MMP16: variants seen among roughly 807,000 people sequenced by gnomAD.
MMP16 encodes the protein matrix metalloproteinase-16.
A neutral mutation model predicts 67.8 loss-of-function variants in MMP16; 12 were observed. The observed-to-expected ratio is 0.18, with a 90% confidence interval of 0.11 to 0.29. MMP16 has a LOEUF of 0.29. MMP16 is among the 10% of genes least tolerant of loss of function. MMP16 has a pLI of 1.00. For synonymous variants in MMP16, 249 were observed against 255.9 expected (o/e 0.97, Z 0.26); for missense variants, 475 against 765.7 (o/e 0.62, Z 4.48).
At chr8:88,100,475 C>T (rs920763385) in intron 6 of MMP16, among the ~76,000 whole-genome samples, 1 of 151,950 alleles carries the variant, frequency 6.6e-6, no homozygotes, top group Admixed American at 6.6e-5. Flanking sequence ...AGTCAGGAAA[C>T]AACAGGTGCT....
intron 6 of MMP16, among the ~76,000 whole-genome samples, chr8:88,098,253 T>C (rs1809063791): frequency 6.6e-6 from 1 of 152,046 alleles, no homozygotes; most frequent in Non-Finnish European, 1.5e-5. Flanking sequence ...CAATGTTTGA[T>C]GACATCCATG....
At chr8:88,285,715 T>C (rs1235645989) in intron 1 of MMP16, among the ~76,000 whole-genome samples, 1 of 152,218 alleles carries the variant, frequency 6.6e-6, no homozygotes, top group East Asian at 1.9e-4. Flanking sequence ...TTTTCCTTTT[T>C]AAAAATTAAT....
At chr8:88,207,518 CCATA>C (rs1222958135) in intron 1 of MMP16, among the ~76,000 whole-genome samples, 1 of 151,964 alleles carries the variant, frequency 6.6e-6, no homozygotes, top group Non-Finnish European at 1.5e-5. Context: ...ACCATGGAAC[CCATA>C]CAAAGTGCTG....
At chr8:88,165,922 C>T (rs1808703880) in intron 4 of MMP16, among the ~76,000 whole-genome samples, 1 of 152,078 alleles carries the variant, frequency 6.6e-6, no homozygotes, top group Non-Finnish European at 1.5e-5. Flanking sequence ...CAAACCTGTT[C>T]TTAAAAATGT....
chr8:88,209,399 T>G (rs1414379115), intron 1 of MMP16, among the ~76,000 whole-genome samples: 1 of 152,176 alleles, frequency 6.6e-6, no homozygotes, highest in Non-Finnish European at 1.5e-5. Flanking sequence ...TTCCTTTTGC[T>G]TACTTATTGT....
chr8:88,267,442 T>G (rs768836538), intron 1 of MMP16, among the ~76,000 whole-genome samples: 10 of 152,206 alleles, frequency 6.6e-5, no homozygotes, highest in Non-Finnish European at 1.3e-4. Context: ...CCTGCTAATA[T>G]AACACTTGCA....
At chr8:88,117,151 A>T (rs960109926) in intron 5 of MMP16, among the ~76,000 whole-genome samples, 1 of 152,184 alleles carries the variant, frequency 6.6e-6, no homozygotes, top group African/African-American at 2.4e-5. Context: ...TTTCCAAAAG[A>T]TAAACGTTAA....
rs185679635 is a variant in MMP16, at chr8:88,279,769, G to A, written c.132+47306C>T. Among the ~76,000 whole-genome samples the A allele has an allele frequency of 2.4e-3, 360 of 152,196 alleles. 2 individuals are homozygous for A. The Middle Eastern group carries it at 0.027, about 12-fold the overall frequency. Reference sequence around the variant, plus strand: ...TGCTTAGTATTAGAGGACATTCAACGACTCTCCATATTTCTTCTCAAGGTA... The same window carrying A: ...TGCTTAGTATTAGAGGACATTCAACAACTCTCCATATTTCTTCTCAAGGTA... On this transcript the variant is annotated intron_variant, in intron 1 of 9. Coordinates refer to ENST00000286614, the MANE Select transcript of MMP16 (RefSeq NM_005941.5).
At chr8:88,221,824 A>G (rs557752686) in intron 1 of MMP16, among the ~76,000 whole-genome samples, 2 of 152,226 alleles carry the variant, frequency 1.3e-5, no homozygotes, top group South Asian at 4.1e-4. Flanking sequence ...TTTACTTTTG[A>G]CATTCTCACC....
intron 1 of MMP16, among the ~76,000 whole-genome samples, chr8:88,280,152 G>A (rs1301896828): frequency 3.9e-5 from 6 of 152,110 alleles, no homozygotes; most frequent in Non-Finnish European, 8.8e-5. Context: ...TGTTTTAAGT[G>A]GCAAAATTTG....
At chr8:88,077,647 C>A (rs542781858) in intron 6 of MMP16, among the ~76,000 whole-genome samples, 1 of 152,014 alleles carries the variant, frequency 6.6e-6, no homozygotes, top group Non-Finnish European at 1.5e-5. Context: ...AATAGGTGCA[C>A]AATAAATTTC....
chr8:88,147,777 T>TTGTGTGTG (rs55829907), intron 4 of MMP16, among the ~76,000 whole-genome samples: 3 of 149,198 alleles, frequency 2.0e-5, no homozygotes, highest in South Asian at 2.1e-4. Context: ...AAATATGTGT[T>TTGTGTGTG]TGTGTGTGTG....
chr8:88,300,442 C>A (rs1161011020), intron 1 of MMP16, among the ~76,000 whole-genome samples: 2 of 152,140 alleles, frequency 1.3e-5, no homozygotes, highest in Non-Finnish European at 2.9e-5. Flanking sequence ...CAGCCCTGGA[C>A]GTGAATCCAA....
intron 4 of MMP16, among the ~76,000 whole-genome samples, chr8:88,157,744 C>T (rs966140623): frequency 6.6e-6 from 1 of 152,040 alleles, no homozygotes; most frequent in Non-Finnish European, 1.5e-5. Flanking sequence ...CATAGGTATA[C>T]GTGTGCCATG....
At chr8:88,101,375 A>G (rs1809142310) in intron 6 of MMP16, among the ~76,000 whole-genome samples, 1 of 151,936 alleles carries the variant, frequency 6.6e-6, no homozygotes, top group Non-Finnish European at 1.5e-5. Flanking sequence ...AAGTTTCAGG[A>G]ATCAATAAAC....
chr8:88,154,627 A>T (rs1195198614), intron 4 of MMP16, among the ~76,000 whole-genome samples: 1 of 151,238 alleles, frequency 6.6e-6, no homozygotes, highest in Non-Finnish European at 1.5e-5. Flanking sequence ...ACAAAAAACC[A>T]AACACCGCAT....
intron 2 of MMP16, among the ~76,000 whole-genome samples, chr8:88,191,222 G>A (rs1809164762): frequency 6.6e-6 from 1 of 152,090 alleles, no homozygotes; most frequent in Non-Finnish European, 1.5e-5. Flanking sequence ...ATACTGTAGA[G>A]TTACCTCGCT....
At position 88,041,210 on chromosome 8, in the gene MMP16, A is replaced by G. The variant is rs1808128460; in HGVS notation, c.*251T>C. Reference sequence around the variant, plus strand: ...TACTGGGCATTGAGCGTGCAGAGGAAAGGCCTAGAACTGAATGACAAAGAA... The same window carrying G: ...TACTGGGCATTGAGCGTGCAGAGGAGAGGCCTAGAACTGAATGACAAAGAA... On this transcript the variant is annotated 3_prime_UTR_variant, in exon 10 of 10. Coordinates refer to ENST00000286614, the MANE Select transcript of MMP16 (RefSeq NM_005941.5). The surrounding 1 kb of genome is among the most constrained non-coding windows in gnomAD (Gnocchi z 6.0). 3.1e-6 allele frequency: 1 copy of G among 323,812 alleles called. No homozygotes were observed. The highest frequency in any genetic ancestry group is 5.6e-6 in the Non-Finnish European group (1 of 177,216). The allele number at this position is 323,812 out of a possible 1,614,324, so 20.1% of individuals were successfully genotyped here. A position where few individuals can be genotyped will look rare whatever the true frequency, so the allele number is the denominator to read the frequency against.
chr8:88,145,928 A>G (rs1489839615), intron 4 of MMP16, among the ~76,000 whole-genome samples: 2 of 152,014 alleles, frequency 1.3e-5, no homozygotes, highest in African/African-American at 4.8e-5. Context: ...CCTGTAATGT[A>G]TAGGAACATC....
Sources: allele counts gnomAD v4.1 joint callset (sites outside exome capture counted in the v4.1 genomes callset), GRCh38; gene constraint gnomAD v4.1.1; non-coding constraint Gnocchi (gnomAD v3.1); transcripts MANE v1.5; gene names NCBI Gene and HGNC (gene_info 2026-07-23, HGNC 2026-07-21).